Variants in CREB5 observed in about 807,000 individuals in gnomAD.
The protein encoded by CREB5 is cyclic AMP-responsive element-binding protein 5.
A neutral mutation model predicts 57.1 loss-of-function variants in CREB5; 19 were observed. The ratio of observed to expected loss-of-function variants is 0.33; its 90% CI spans 0.23 to 0.49. The LOEUF (loss-of-function observed/expected upper bound fraction) is 0.49, where lower values mean the gene tolerates loss of function less well. CREB5 is among the 20% of genes least tolerant of loss of function. The pLI is 0.99. For missense variants in CREB5, 579 were observed against 671.6 expected, an observed-to-expected ratio of 0.86 and a Z score of 1.52; for synonymous variants, 238 against 238.3, an observed-to-expected ratio of 1.00 and a Z score of 0.01.
At chr7:28,448,671 T>C (rs1403106183) in intron 1 of CREB5, among the ~76,000 whole-genome samples, 1 of 152,224 alleles carries the variant, frequency 6.6e-6, no homozygotes, top group East Asian at 1.9e-4. Flanking sequence ...TTCCAGAACA[T>C]GTAAGGCCTG....
intron 5 of CREB5, among the ~76,000 whole-genome samples, chr7:28,641,834 C>T (rs927437378): frequency 2.0e-5 from 3 of 152,194 alleles, no homozygotes; most frequent in Non-Finnish European, 4.4e-5. Context: ...GACCTGCAGT[C>T]GCCATCCCAT....
chr7:28,383,982 T>G (rs1583411612), intron 1 of CREB5, among the ~76,000 whole-genome samples: 2 of 152,076 alleles, frequency 1.3e-5, no homozygotes, highest in East Asian at 3.9e-4. Flanking sequence ...TTTTAAGGAG[T>G]CCTTATTTTA....
chr7:28,819,389 A>C lies in CREB5; in HGVS notation c.*110A>C, dbSNP rs1809636163. The C allele has an allele frequency of 1.9e-6, 2 of 1,056,886 alleles. No homozygotes were observed. The allele number at this position is 1,056,886 out of a possible 1,614,324, so 65.5% of individuals were successfully genotyped here. A position where few individuals can be genotyped will look rare whatever the true frequency, so the allele number is the denominator to read the frequency against. ...GACCTGGAAGACTCCTCAGTTCTTCAAAGACTGGCTTTCATTTTTATAGTT... is the reference window on the plus strand; with the variant it reads ...GACCTGGAAGACTCCTCAGTTCTTCCAAGACTGGCTTTCATTTTTATAGTT... On this transcript the variant is annotated 3_prime_UTR_variant, in exon 11 of 11. Coordinates refer to ENST00000357727, the MANE Select transcript of CREB5 (RefSeq NM_182898.4).
intron 6 of CREB5, among the ~76,000 whole-genome samples, chr7:28,722,456 T>C (rs550612714): frequency 2.6e-5 from 4 of 152,212 alleles, no homozygotes; most frequent in Non-Finnish European, 5.9e-5. Flanking sequence ...TGAATTTTTT[T>C]AGAGCAATGA....
In CREB5 at chr7:28,533,461, C is replaced by T. The variant is rs1379484696; in HGVS notation, c.291+25724C>T. Among the ~76,000 whole-genome samples the T allele has an allele frequency of 5.9e-5, 9 of 152,188 alleles. No homozygotes were observed. The South Asian group carries it at 1.4e-3, about 24-fold the overall frequency. ...CCGCACAGTTGCTGTCCTTTCCTGT[C>T]GTGCGTACCTGCACTTTGCATGGAG... On this transcript the variant is annotated intron_variant, in intron 4 of 10. Transcript: ENST00000357727.
At chr7:28,318,086 A>C (rs930388584) in intron 1 of CREB5, among the ~76,000 whole-genome samples, 3 of 152,242 alleles carry the variant, frequency 2.0e-5, no homozygotes, top group African/African-American at 7.2e-5. Flanking sequence ...TTCCAAATAT[A>C]TGAAGTTATC....
chr7:28,752,860 A>T (rs1254039556), intron 7 of CREB5, among the ~76,000 whole-genome samples: 1 of 152,054 alleles, frequency 6.6e-6, no homozygotes. Context: ...AATAGAGCTT[A>T]AATCTTCTAC....
intron 1 of CREB5, among the ~76,000 whole-genome samples, chr7:28,305,271 C>T (rs1002484657): frequency 3.2e-4 from 49 of 152,306 alleles, no homozygotes; most frequent in African/African-American, 1.2e-3. Flanking sequence ...TTGGCTTTCT[C>T]ATCTCCAGTC....
intron 5 of CREB5, among the ~76,000 whole-genome samples, chr7:28,673,839 A>G (rs921612821): frequency 6.6e-6 from 1 of 151,186 alleles, no homozygotes; most frequent in Non-Finnish European, 1.5e-5. Context: ...ACACTCAACT[A>G]ATTTTTGTAT....
chr7:28,505,266 T>C (rs1043232526), intron 3 of CREB5, among the ~76,000 whole-genome samples: 18 of 152,170 alleles, frequency 1.2e-4, no homozygotes, highest in African/African-American at 4.3e-4. Context: ...ACTTTCACTC[T>C]CAGATCTTGT....
intron 5 of CREB5, among the ~76,000 whole-genome samples, chr7:28,685,802 C>T (rs1432642323): frequency 6.6e-6 from 1 of 152,036 alleles, no homozygotes; most frequent in Non-Finnish European, 1.5e-5. Flanking sequence ...CACTGTTTCC[C>T]CCTTTGTTTA....
At chr7:28,360,467 A>G (rs751730608) in intron 1 of CREB5, among the ~76,000 whole-genome samples, 6 of 152,228 alleles carry the variant, frequency 3.9e-5, no homozygotes, top group Non-Finnish European at 8.8e-5. Flanking sequence ...CAGGCACAGA[A>G]AGACAAATAC....
At chr7:28,511,980 G>GGATAGATTCTT (rs895701894) in intron 4 of CREB5, among the ~76,000 whole-genome samples, 2 of 152,114 alleles carry the variant, frequency 1.3e-5, no homozygotes, top group African/African-American at 4.8e-5. Context: ...GATAGATTCT[G>GGATAGATTCTT]GATACATTTT....
At chr7:28,763,566 C>T (rs966060010) in intron 7 of CREB5, among the ~76,000 whole-genome samples, 1 of 152,144 alleles carries the variant, frequency 6.6e-6, no homozygotes, top group Admixed American at 6.6e-5. Context: ...GCGAGTCTTG[C>T]TACAACATAT....
intron 1 of CREB5, among the ~76,000 whole-genome samples, chr7:28,303,711 T>C (rs1785139966): frequency 6.6e-6 from 1 of 152,226 alleles, no homozygotes; most frequent in African/African-American, 2.4e-5. Context: ...TTTCTTACTT[T>C]CTAAAACTTT....
intron 1 of CREB5, among the ~76,000 whole-genome samples, chr7:28,476,873 C>A (rs1372067485): frequency 4.6e-5 from 4 of 87,218 alleles, no homozygotes; most frequent in African/African-American, 2.0e-4. Context: ...TTTCTCATGG[C>A]CTCTGAACTC....
At chr7:28,627,658 T>A (rs774164532) in intron 5 of CREB5, among the ~76,000 whole-genome samples, 4 of 152,172 alleles carry the variant, frequency 2.6e-5, no homozygotes, top group Non-Finnish European at 4.4e-5. Flanking sequence ...GCAGTTATAG[T>A]CATTCACAGA....
In CREB5 at chr7:28,584,628, C is replaced by T. The variant is rs542587224; in HGVS notation, c.464+14091C>T. Among the ~76,000 whole-genome samples the T allele has an allele frequency of 5.3e-5, 8 of 152,308 alleles. No individual in the cohort carries two copies. In the East Asian group the frequency reaches 1.5e-3, roughly 29 times the overall value. ...ACCCCTGCTGCTGACACCTTGATTT[C>T]AGACTTCTAACCTCCAGAACTGTGA... On this transcript the variant is annotated intron_variant, in intron 5 of 10. Coordinates refer to ENST00000357727, the MANE Select transcript of CREB5 (RefSeq NM_182898.4).
At chr7:28,770,220 A>G (rs1219297794) in intron 7 of CREB5, among the ~76,000 whole-genome samples, 1 of 152,222 alleles carries the variant, frequency 6.6e-6, no homozygotes, top group East Asian at 1.9e-4. Context: ...TTCAGCTTCA[A>G]CTTGGTCTGT....
Sources: allele counts gnomAD v4.1 joint callset (sites outside exome capture counted in the v4.1 genomes callset), GRCh38; gene constraint gnomAD v4.1.1; transcripts MANE v1.5; gene names NCBI Gene and HGNC (gene_info 2026-07-23, HGNC 2026-07-21).